Variants in LRP1B observed in about 807,000 individuals in gnomAD.
LRP1B encodes low-density lipoprotein receptor-related protein 1B.
A neutral mutation model predicts 556.6 loss-of-function variants in LRP1B; 217 were observed. The observed-to-expected ratio is 0.39, with a 90% CI of 0.35 to 0.44. The LOEUF is 0.44. LRP1B is among the 20% of genes least tolerant of loss of function. The pLI, the probability that LRP1B is intolerant of heterozygous loss-of-function variation, is 1.00. For synonymous variants in LRP1B, 2,047 were observed against 1,865.8 expected, an observed-to-expected ratio of 1.10 and a Z score of -2.50; for missense variants, 5,053 against 5,620.8, an observed-to-expected ratio of 0.90 and a Z score of 3.23.
intron 66 of LRP1B, among the ~76,000 whole-genome samples, chr2:140,422,955 C>T (rs1393674566): frequency 6.6e-6 from 1 of 152,162 alleles, no homozygotes; most frequent in Non-Finnish European, 1.5e-5. Flanking sequence ...GGTTAGTGAT[C>T]ACTTTCCATC....
chr2:140,546,802 T>C (rs2105035585), intron 43 of LRP1B, among the ~76,000 whole-genome samples: 1 of 152,290 alleles, frequency 6.6e-6, no homozygotes, highest in African/African-American at 2.4e-5. Context: ...TGTGGATTTG[T>C]CATAGATGGT....
chr2:141,596,783 T>C (rs925896927), intron 2 of LRP1B, among the ~76,000 whole-genome samples: 5 of 151,926 alleles, frequency 3.3e-5, no homozygotes, highest in Non-Finnish European at 7.4e-5. Flanking sequence ...GCAGGAGCAA[T>C]ACCAAATGTG....
chr2:141,295,691 C>T (rs944745595), intron 3 of LRP1B, among the ~76,000 whole-genome samples: 3 of 149,852 alleles, frequency 2.0e-5, no homozygotes, highest in Admixed American at 6.7e-5. Context: ...CCCTAGTCAT[C>T]TCCTGTCAAG....
At chr2:141,345,964 A>G (rs1265428814) in intron 3 of LRP1B, among the ~76,000 whole-genome samples, 1 of 151,942 alleles carries the variant, frequency 6.6e-6, no homozygotes, top group Non-Finnish European at 1.5e-5. Flanking sequence ...CCCAGTTTGA[A>G]TATTTTAGTT....
chr2:141,171,297 A>C (rs1680488311), intron 7 of LRP1B, among the ~76,000 whole-genome samples: 1 of 152,086 alleles, frequency 6.6e-6, no homozygotes. Flanking sequence ...CACAGAGAAT[A>C]GTTTCAGTGC....
chr2:140,987,482 T>C (rs974986507), intron 17 of LRP1B, among the ~76,000 whole-genome samples: 2 of 152,110 alleles, frequency 1.3e-5, no homozygotes, highest in African/African-American at 4.8e-5. Flanking sequence ...TAAACGTTTT[T>C]ACTTTTACTA....
At chr2:141,055,476 A>C (rs1699154662) in intron 9 of LRP1B, among the ~76,000 whole-genome samples, 1 of 151,984 alleles carries the variant, frequency 6.6e-6, no homozygotes. Context: ...GAGCATTTAA[A>C]AAAAATTCTA....
At chr2:140,802,848 T>A (rs2105012018) in intron 32 of LRP1B, among the ~76,000 whole-genome samples, 1 of 152,336 alleles carries the variant, frequency 6.6e-6, no homozygotes, top group African/African-American at 2.4e-5. Context: ...AGGTGCAGTT[T>A]TCAACGAGTC....
chr2:141,350,360 G>A (rs530873872), intron 3 of LRP1B, among the ~76,000 whole-genome samples: 26 of 152,158 alleles, frequency 1.7e-4, no homozygotes, highest in African/African-American at 6.0e-4. Context: ...AAAAGATGGC[G>A]AGGGGAGACT....
At chr2:140,805,599 AC>A (rs1392208259) in intron 32 of LRP1B, among the ~76,000 whole-genome samples, 38 of 152,136 alleles carry the variant, frequency 2.5e-4, no homozygotes, top group African/African-American at 8.7e-4. Context: ...TCACAAATGA[AC>A]TTTTTTATTT....
At chr2:140,337,710 G>T (rs1388911839) in intron 77 of LRP1B, among the ~76,000 whole-genome samples, 1 of 151,732 alleles carries the variant, frequency 6.6e-6, no homozygotes, top group African/African-American at 2.4e-5. Flanking sequence ...ATTGAGCATA[G>T]AAAAAGTATC....
At chr2:140,737,476 C>G (rs1308229666) in intron 35 of LRP1B, among the ~76,000 whole-genome samples, 2 of 152,164 alleles carry the variant, frequency 1.3e-5, no homozygotes, top group African/African-American at 4.8e-5. Context: ...TGTGGGCTCA[C>G]TGGATTCACA....
chr2:140,512,156 C>T (rs997103531), intron 51 of LRP1B, among the ~76,000 whole-genome samples: 5 of 152,078 alleles, frequency 3.3e-5, no homozygotes, highest in African/African-American at 1.2e-4. Context: ...TTCTGTATGA[C>T]CTTGATGAAG....
At chr2:141,021,838 G>A (rs760580447) in intron 11 of LRP1B, among the ~76,000 whole-genome samples, 1 of 151,870 alleles carries the variant, frequency 6.6e-6, no homozygotes, top group Non-Finnish European at 1.5e-5. Context: ...CTATCTCATA[G>A]GATGATTACA....
At position 140,255,814 on chromosome 2, in the gene LRP1B, C is replaced by A. The variant is rs530219941; in HGVS notation, c.13248-8652G>T. ...TGCTTTCACCTAATTATCAATCAGTCATTTCTCACTGAAAGGAACATTAAT... is the reference window on the plus strand; with the variant it reads ...TGCTTTCACCTAATTATCAATCAGTAATTTCTCACTGAAAGGAACATTAAT... On this transcript the variant is annotated intron_variant, in intron 86 of 90. Transcript: ENST00000389484. 7.2e-5 allele frequency among the ~76,000 whole-genome samples: 11 copies of A among 152,304 alleles called. No individual in the cohort carries two copies. The South Asian group carries it at 2.3e-3, about 32-fold the overall frequency.
In LRP1B at chr2:141,199,295, TAA is replaced by T. The variant is rs1228555434; in HGVS notation, c.851-10714_851-10713del. ...AAAACACCTTAGAGTATTTCTCTTA[TAA>T]CATTTTACCATGAAGGCCACTCAGG... On this transcript the variant is annotated intron_variant, in intron 6 of 90. Coordinates refer to ENST00000389484, the MANE Select transcript of LRP1B (RefSeq NM_018557.3). Among the ~76,000 whole-genome samples the T allele has an allele frequency of 5.3e-5, 8 of 152,182 alleles. No individual in the cohort carries two copies. In the East Asian group the frequency reaches 1.5e-3, roughly 29 times the overall value.
intron 86 of LRP1B, among the ~76,000 whole-genome samples, chr2:140,265,270 AAC>A (rs928014400): frequency 7.1e-6 from 1 of 141,114 alleles, no homozygotes; most frequent in Non-Finnish European, 1.5e-5. Context: ...CTGTCAAAAT[AAC>A]ACATTAGATT....
At chr2:141,498,265 A>G (rs1683586832) in intron 2 of LRP1B, among the ~76,000 whole-genome samples, 1 of 102,324 alleles carries the variant, frequency 9.8e-6, no homozygotes, top group Non-Finnish European at 2.1e-5. Context: ...GTGGTCTGAA[A>G]TGAACTCCTT....
intron 6 of LRP1B, among the ~76,000 whole-genome samples, chr2:141,199,435 T>A (rs1681903681): frequency 6.6e-6 from 1 of 152,082 alleles, no homozygotes; most frequent in Non-Finnish European, 1.5e-5. Context: ...AAAATATTGC[T>A]CCTTTACTTA....
Sources: gnomAD v4.1 joint callset for allele counts (sites outside exome capture counted in the v4.1 genomes callset) on GRCh38, gnomAD v4.1.1 for gene constraint, MANE v1.5 for transcripts, NCBI Gene and HGNC (gene_info 2026-07-23, HGNC 2026-07-21) for gene names.